Variants in AKAIN1 observed in about 807,000 individuals in gnomAD.
The protein encoded by AKAIN1 is A-kinase anchor protein inhibitor 1.
In AKAIN1, 3 loss-of-function variants were observed where a neutral mutation model predicts 3.7. That is an observed-to-expected ratio of 0.82 (90% CI 0.37 to 2.12). The LOEUF (loss-of-function observed/expected upper bound fraction) is 2.12, where lower values mean the gene tolerates loss of function less well. Among genes scored for constraint, AKAIN1 ranks in the 30% most tolerant of loss-of-function variants. AKAIN1 has a pLI of 0.06. For missense variants in AKAIN1, 82 were observed against 82.7 expected (o/e 0.99, Z 0.03); for synonymous variants, 31 against 30.8 (o/e 1.01, Z -0.02).
chr18:5,146,950 C>T (rs1033356814), intron 1 of AKAIN1, among the ~76,000 whole-genome samples: 4 of 152,226 alleles, frequency 2.6e-5, no homozygotes, highest in Admixed American at 6.5e-5. Context: ...CACTGATTCT[C>T]TGCTTTCTTT....
At chr18:5,170,648 C>G (rs1309602498) in intron 1 of AKAIN1, 3 of 152,108 alleles carry the variant, frequency 2.0e-5, no homozygotes, top group Non-Finnish European at 2.9e-5. Flanking sequence ...AAGCAATATG[C>G]CTGTTTTCCC....
At chr18:5,178,367 C>T (rs568129135) in intron 1 of AKAIN1, among the ~76,000 whole-genome samples, 1 of 151,850 alleles carries the variant, frequency 6.6e-6, no homozygotes, top group African/African-American at 2.4e-5. Flanking sequence ...TAGCAAGACC[C>T]CATCTCAAAA....
At chr18:5,159,433 GA>G (rs1027857915) in intron 1 of AKAIN1, 4 of 152,108 alleles carry the variant, frequency 2.6e-5, no homozygotes, top group African/African-American at 9.7e-5. Context: ...GAGGAAAAGT[GA>G]AACAGTACCT....
At chr18:5,192,162 T>C (rs1208119502) in intron 1 of AKAIN1, among the ~76,000 whole-genome samples, 2 of 152,196 alleles carry the variant, frequency 1.3e-5, no homozygotes, top group Non-Finnish European at 2.9e-5. Context: ...GTGGTCTTAA[T>C]GAAAGGACAC....
At chr18:5,168,484 A>G (rs557731893) in intron 1 of AKAIN1, among the ~76,000 whole-genome samples, 1 of 147,804 alleles carries the variant, frequency 6.8e-6, no homozygotes, top group Non-Finnish European at 1.5e-5. Flanking sequence ...GTTAAGTTGC[A>G]TATTACAGTT....
intron 1 of AKAIN1, among the ~76,000 whole-genome samples, chr18:5,152,901 T>C (rs1423329588): frequency 6.6e-6 from 1 of 151,994 alleles, no homozygotes; most frequent in Admixed American, 6.6e-5. Context: ...CCTGGGGAGG[T>C]ATCAGAGCCT....
rs143077161 is a variant in AKAIN1 at position 5,159,729 on chromosome 18, C to T, written c.17-13974G>A. ...GTTCTTCAGCCACAAACTCTTCTAA[C>T]ATAATCTGTTAGTTGGTTTGTCTGT... On this transcript the variant is annotated intron_variant, in intron 1 of 1. Coordinates refer to ENST00000434239, the MANE Select transcript of AKAIN1 (RefSeq NM_001145194.2). Among the ~76,000 whole-genome samples the T allele has an allele frequency of 6.3e-3, 963 of 152,246 alleles. 3 individuals are homozygous for T. Among genetic ancestry groups the T allele is most frequent in the Non-Finnish European group, 0.011 (722 of 68,010 alleles).
At chr18:5,185,330 C>G (rs910959250) in intron 1 of AKAIN1, among the ~76,000 whole-genome samples, 2 of 152,060 alleles carry the variant, frequency 1.3e-5, no homozygotes, top group Non-Finnish European at 2.9e-5. Context: ...GCGACAAAAA[C>G]AAAAATTGAC....
intron 1 of AKAIN1, among the ~76,000 whole-genome samples, chr18:5,188,345 T>C (rs754959109): frequency 5.9e-5 from 9 of 152,074 alleles, no homozygotes; most frequent in Non-Finnish European, 1.0e-4. Context: ...AGGAATTCTA[T>C]GGCAGCTCCA....
chr18:5,192,388 TCTTTCTTTCTTTCTTTC>T (rs2071324077), intron 1 of AKAIN1, among the ~76,000 whole-genome samples: 1 of 81,674 alleles, frequency 1.2e-5, no homozygotes, highest in African/African-American at 4.9e-5. Flanking sequence ...GAGCTAATTT[TCTTTCTTTCTTTCTTTC>T]TTTCTTTCTT....
chr18:5,192,415 TTC>T (rs1240546685), intron 1 of AKAIN1, among the ~76,000 whole-genome samples: 2 of 143,196 alleles, frequency 1.4e-5, no homozygotes, highest in East Asian at 5.3e-4. Flanking sequence ...CTTTCTTTCT[TTC>T]TTTCTTTCTT....
In AKAIN1 at chr18:5,162,511, A is replaced by C. The variant is rs144725952; in HGVS notation, c.17-16756T>G. Among the ~76,000 whole-genome samples the C allele has an allele frequency of 2.6e-5, 4 of 152,198 alleles. No individual in the cohort carries two copies. In the East Asian group the frequency reaches 7.7e-4, roughly 29 times the overall value. On this transcript the variant is annotated intron_variant, in intron 1 of 1. Transcript: ENST00000434239. ...TATCTGGGAACTATGAGCAGGTCTT[A>C]ACTCCCTAGCCTAGTTTAACTCATC...
intron 1 of AKAIN1, among the ~76,000 whole-genome samples, chr18:5,191,201 GAAAAGAAGAAATAAA>G (rs2071316406): frequency 6.6e-6 from 1 of 152,060 alleles, no homozygotes; most frequent in Non-Finnish European, 1.5e-5. Flanking sequence ...CGTAAAATTA[GAAAAGAAGAAATAAA>G]ACTTTTTTCA....
intron 1 of AKAIN1, among the ~76,000 whole-genome samples, chr18:5,192,115 T>C (rs2071322005): frequency 6.6e-6 from 1 of 152,220 alleles, no homozygotes; most frequent in African/African-American, 2.4e-5. Flanking sequence ...GGATTAGGCA[T>C]GCTCCACTTG....
Position 5,197,142 on chromosome 18 carries a change from T to A in AKAIN1, c.-89A>T. 2.0e-6 allele frequency: 3 copies of A among 1,534,472 alleles called. No homozygotes were observed. The highest frequency in any genetic ancestry group is 2.6e-6 in the Non-Finnish European group (3 of 1,142,412). On this transcript the variant is annotated 5_prime_UTR_variant, in exon 1 of 2. Transcript: ENST00000434239. This position sits in a 1 kb window ranked among gnomAD's most constrained non-coding sequence, Gnocchi z 6.9. ...GAAGGCCGGACTTGGCGGGGTCCGGTGCAGGAGGGCGCGCTGGGCGGGCGG... is the reference window on the plus strand; with the variant it reads ...GAAGGCCGGACTTGGCGGGGTCCGGAGCAGGAGGGCGCGCTGGGCGGGCGG...
chr18:5,165,584 C>T (rs2071163170), intron 1 of AKAIN1, among the ~76,000 whole-genome samples: 1 of 151,942 alleles, frequency 6.6e-6, no homozygotes, highest in Non-Finnish European at 1.5e-5. Flanking sequence ...ATGTCTGGTC[C>T]TAAAATCAGA....
At chr18:5,167,914 A>G (rs1183685959) in intron 1 of AKAIN1, among the ~76,000 whole-genome samples, 1 of 152,018 alleles carries the variant, frequency 6.6e-6, no homozygotes, top group African/African-American at 2.4e-5. Flanking sequence ...ACAGATGAAC[A>G]TTTTCATGAA....
At chr18:5,183,062 G>C (rs1458846657) in intron 1 of AKAIN1, among the ~76,000 whole-genome samples, 1 of 151,956 alleles carries the variant, frequency 6.6e-6, no homozygotes, top group Non-Finnish European at 1.5e-5. Flanking sequence ...AGAAAAAAGT[G>C]GCCCAACTTT....
chr18:5,177,493 T>C (rs1213434432), intron 1 of AKAIN1, among the ~76,000 whole-genome samples: 1 of 150,942 alleles, frequency 6.6e-6, no homozygotes, highest in Admixed American at 6.6e-5. Flanking sequence ...CTATTTTCCA[T>C]ATATATATAT....
Sources: allele counts gnomAD v4.1 joint callset (sites outside exome capture counted in the v4.1 genomes callset), GRCh38; gene constraint gnomAD v4.1.1; non-coding constraint Gnocchi (gnomAD v3.1); transcripts MANE v1.5; gene names NCBI Gene and HGNC (gene_info 2026-07-23, HGNC 2026-07-21).